The following PDGFD variants were observed in gnomAD, a reference collection of about 807,000 sequenced individuals.
PDGFD encodes platelet-derived growth factor D.
Under a neutral mutation model 44.7 loss-of-function variants are expected in PDGFD, and 30 were observed. The ratio of observed to expected loss-of-function variants is 0.67; its 90% confidence interval spans 0.50 to 0.91. The LOEUF (loss-of-function observed/expected upper bound fraction) is 0.91, where lower values mean the gene tolerates loss of function less well. Among genes scored for constraint, PDGFD ranks in the 40% least tolerant of loss-of-function variants. The probability of loss-of-function intolerance (pLI) is 0.00; values close to 1 mark genes in which losing one functional copy is unlikely to be tolerated. For synonymous variants in PDGFD, 173 were observed against 168.4 expected (o/e 1.03, Z -0.21); for missense variants, 445 against 457.8 (o/e 0.97, Z 0.25).
intron 1 of PDGFD, among the ~76,000 whole-genome samples, chr11:104,118,767 T>C (rs1397524582): frequency 1.7e-5 from 2 of 114,586 alleles, no homozygotes; most frequent in African/African-American, 6.7e-5. Context: ...ATATTATAAA[T>C]ATTAATATAT....
rs192236401 is a variant in PDGFD, at chr11:103,955,993, T to G, written c.511-8269A>C. ...AGATATTTTTAAAAGTTCATTTTTC[T>G]TCCTACATTATGAGAAAAGGAAATT... On this transcript the variant is annotated intron_variant, in intron 3 of 6. Coordinates refer to ENST00000393158, the MANE Select transcript of PDGFD (RefSeq NM_025208.5). Among the ~76,000 whole-genome samples, 440 of 152,254 alleles carry G rather than the reference T, an allele frequency of 2.9e-3. 3 individuals carry two copies. The highest frequency in any genetic ancestry group is 0.01 in the African/African-American group (430 of 41,560).
At chr11:104,013,993 A>C (rs1859823444) in intron 1 of PDGFD, among the ~76,000 whole-genome samples, 1 of 152,100 alleles carries the variant, frequency 6.6e-6, no homozygotes, top group Non-Finnish European at 1.5e-5. Flanking sequence ...TCAGTAGATA[A>C]ATTAGGATAG....
At chr11:103,960,660 T>C (rs1486556185) in intron 3 of PDGFD, among the ~76,000 whole-genome samples, 1 of 152,222 alleles carries the variant, frequency 6.6e-6, no homozygotes, top group Admixed American at 6.5e-5. Context: ...TTTAATGGCT[T>C]ACCATTATCT....
chr11:103,989,349 T>C (rs571933069), intron 3 of PDGFD, among the ~76,000 whole-genome samples: 27 of 152,280 alleles, frequency 1.8e-4, no homozygotes, highest in African/African-American at 6.0e-4. Context: ...TCTTAAAGAA[T>C]GTGTGCTTCA....
chr11:104,099,213 C>G (rs186607762), intron 1 of PDGFD, among the ~76,000 whole-genome samples: 3 of 152,090 alleles, frequency 2.0e-5, no homozygotes, highest in Non-Finnish European at 4.4e-5. Context: ...TAGGAAGGAC[C>G]AGCATTGTGT....
At chr11:103,997,053 G>A (rs1316104629) in intron 2 of PDGFD, among the ~76,000 whole-genome samples, 1 of 152,184 alleles carries the variant, frequency 6.6e-6, no homozygotes, top group African/African-American at 2.4e-5. Context: ...CACATAGTAG[G>A]AGATCCTCAG....
chr11:104,065,028 C>A (rs1349463778), intron 1 of PDGFD, among the ~76,000 whole-genome samples: 3 of 152,138 alleles, frequency 2.0e-5, no homozygotes, highest in African/African-American at 7.2e-5. Context: ...ATGTAATCAG[C>A]TGTCAGCATG....
chr11:103,921,843 G>A (rs1056167963), intron 6 of PDGFD, among the ~76,000 whole-genome samples: 3 of 73,592 alleles, frequency 4.1e-5, no homozygotes, highest in Non-Finnish European at 9.3e-5. Flanking sequence ...AGGTAGTCAC[G>A]GCCTTGTGTG....
At chr11:104,099,949 C>T (rs2134444049) in intron 1 of PDGFD, among the ~76,000 whole-genome samples, 1 of 152,056 alleles carries the variant, frequency 6.6e-6, no homozygotes, top group African/African-American at 2.4e-5. Context: ...ATTTTGAATA[C>T]CACACTAGTT....
chr11:103,910,612 G>T (rs531937830), intron 6 of PDGFD, among the ~76,000 whole-genome samples: 1 of 152,348 alleles, frequency 6.6e-6, no homozygotes, highest in East Asian at 1.9e-4. Context: ...GGCAGACCAG[G>T]AGATTTCCCC....
In PDGFD at chr11:104,003,917, T is replaced by G. The variant is rs1859659313; in HGVS notation, c.125-3662A>C. 2.0e-5 allele frequency among the ~76,000 whole-genome samples: 3 copies of G among 152,112 alleles called. 1 individual carries two copies. The highest frequency in any genetic ancestry group is 4.1e-4 in the South Asian group (2 of 4,830). On this transcript the variant is annotated intron_variant, in intron 1 of 6. Transcript: ENST00000393158. ...AGCAATGGCTGGGAAGGAAGCTGTG[T>G]GTAAGTCAGGCTGCCCAGAAAAGGG...
At chr11:103,918,980 C>G (rs553924876) in intron 6 of PDGFD, among the ~76,000 whole-genome samples, 1 of 152,314 alleles carries the variant, frequency 6.6e-6, no homozygotes, top group South Asian at 2.1e-4. Flanking sequence ...GGTACCCTCA[C>G]ACAACACTTT....
rs1860279458 is a variant in PDGFD at position 104,037,888 on chromosome 11, A to G, written c.125-37633T>C. The G allele has an allele frequency of 2.5e-6, 4 of 1,614,082 alleles. No homozygotes were observed. The highest frequency in any genetic ancestry group is 3.4e-6 in the Non-Finnish European group (4 of 1,180,050). On this transcript the variant is annotated intron_variant, in intron 1 of 6. Coordinates refer to ENST00000393158, the MANE Select transcript of PDGFD (RefSeq NM_025208.5). ...TGTGCTGGTCATCGGCACCACTGGC[A>G]CGCAGACTTATTTTCTTCCTGAGGG... is the stretch of plus-strand genomic sequence containing the variant.
intron 1 of PDGFD, among the ~76,000 whole-genome samples, chr11:104,094,819 T>C (rs1180425774): frequency 6.6e-6 from 1 of 152,132 alleles, no homozygotes; most frequent in Non-Finnish European, 1.5e-5. Context: ...GTAAAATTCT[T>C]AAGACATGTA....
chr11:103,927,020 A>T lies in PDGFD; in HGVS notation c.879T>A (p.Phe293Leu). 1 of 1,614,230 alleles carries T rather than the reference A, an allele frequency of 6.2e-7. No homozygotes were observed. Among genetic ancestry groups the T allele is most frequent in the Non-Finnish European group, 8.5e-7 (1 of 1,180,030 alleles). ...EELKLANVVF[F>L]PRCLLVQRCG... ...AGCGCTGCACGAGGAGGCAACGTGG[A>T]AAGAAGACCACATTGGCCAACTTCA... The change falls in exon 6 of 7, where the codon TTT becomes TTA. Residue 293 changes from phenylalanine (F) to leucine (L), a missense_variant. By Grantham distance (22) the Phe-to-Leu change is conservative. Coordinates refer to ENST00000393158, the MANE Select transcript of PDGFD (RefSeq NM_025208.5).
intron 1 of PDGFD, among the ~76,000 whole-genome samples, chr11:104,162,035 C>T (rs945014769): frequency 6.7e-6 from 1 of 150,330 alleles, no homozygotes; most frequent in South Asian, 2.1e-4. Flanking sequence ...AATGAGAAAT[C>T]CAGGGTAGTT....
chr11:103,958,039 G>C (rs1858883586), intron 3 of PDGFD, among the ~76,000 whole-genome samples: 1 of 151,600 alleles, frequency 6.6e-6, no homozygotes, highest in African/African-American at 2.4e-5. Context: ...TTTGTGACTA[G>C]TTGTTTAGCA....
intron 1 of PDGFD, among the ~76,000 whole-genome samples, chr11:104,132,439 A>G (rs1427230530): frequency 1.3e-5 from 2 of 152,076 alleles, no homozygotes; most frequent in Non-Finnish European, 2.9e-5. Context: ...AAAATTCTTA[A>G]TGACCTCTCT....
chr11:103,962,152 T>A (rs1438057185), intron 3 of PDGFD, among the ~76,000 whole-genome samples: 1 of 152,168 alleles, frequency 6.6e-6, no homozygotes, highest in African/African-American at 2.4e-5. Context: ...CTTTTTGAAA[T>A]GTCCATAATA....
Sources: gnomAD v4.1 joint callset for allele counts (sites outside exome capture counted in the v4.1 genomes callset) on GRCh38, gnomAD v4.1.1 for gene constraint, MANE v1.5 for transcripts, NCBI Gene and HGNC (gene_info 2026-07-23, HGNC 2026-07-21) for gene names.